The following TENM1 variants were observed in gnomAD, a reference collection of about 807,000 sequenced individuals.
TENM1 encodes teneurin-1.
TENM1 carries 35 observed loss-of-function variants against 174.8 expected under a neutral mutation model. That is an observed-to-expected ratio of 0.20 (90% confidence interval 0.15 to 0.27). The LOEUF (loss-of-function observed/expected upper bound fraction) is 0.27. TENM1 is among the 10% of genes least tolerant of loss of function. TENM1 has a pLI of 1.00. For synonymous variants in TENM1, 781 were observed against 798.7 expected (o/e 0.98, Z 0.37); for missense variants, 1,633 against 2,130.1 (o/e 0.77, Z 4.59).
intron 11 of TENM1, among the ~76,000 whole-genome samples, chrX:124,612,991 G>A (rs1347048389): frequency 9.0e-6 from 1 of 111,388 alleles, no homozygotes; most frequent in African/African-American, 3.3e-5. Flanking sequence ...GAGCTGGAAA[G>A]AAAATAAAAT....
At chrX:125,007,894 A>G in the TENM1 span, among the ~76,000 whole-genome samples, 2 of 111,934 alleles carry the variant, frequency 1.8e-5, no homozygotes, top group African/African-American at 6.5e-5. Context: ...CTAAATACAG[A>G]AAGGAAAAAC....
At chrX:124,507,168 G>A (rs187744565) in intron 18 of TENM1, among the ~76,000 whole-genome samples, 30 of 111,769 alleles carry the variant, frequency 2.7e-4, no homozygotes, top group Non-Finnish European at 4.9e-4. Flanking sequence ...AGACTAGACT[G>A]GCAGTGAGCA....
chrX:124,646,402 C>A (rs1002478361), intron 9 of TENM1, among the ~76,000 whole-genome samples: 1 of 112,504 alleles, frequency 8.9e-6, no homozygotes, highest in African/African-American at 3.2e-5. Context: ...CAAATCCCAG[C>A]TGTTAGGTAA....
chrX:124,421,061 A>C (rs1258613592), intron 24 of TENM1, among the ~76,000 whole-genome samples: 1 of 112,285 alleles, frequency 8.9e-6, no homozygotes, highest in East Asian at 2.8e-4. Context: ...CAATTTTGTG[A>C]AATCCTCAAT....
intron 3 of TENM1, among the ~76,000 whole-genome samples, chrX:124,879,329 T>C (rs1306509471): frequency 8.9e-6 from 1 of 112,146 alleles, no homozygotes; most frequent in Non-Finnish European, 1.9e-5. Flanking sequence ...TCCATCTCCA[T>C]GAGATCAACT....
intron 3 of TENM1, among the ~76,000 whole-genome samples, chrX:124,872,719 AGCT>A (rs1018779677): frequency 1.8e-5 from 2 of 112,190 alleles, no homozygotes; most frequent in African/African-American, 6.5e-5. Flanking sequence ...CTTGTTTTAC[AGCT>A]GCTAATTTTG....
intron 4 of TENM1, among the ~76,000 whole-genome samples, chrX:124,720,667 G>C (rs746016570): frequency 9.0e-6 from 1 of 111,715 alleles, no homozygotes; most frequent in Non-Finnish European, 1.9e-5. Flanking sequence ...GTTCACAAAG[G>C]GTTTTGTTTT....
intron 1 of TENM1, among the ~76,000 whole-genome samples, chrX:124,907,941 G>A (rs758123811): frequency 9.0e-6 from 1 of 111,614 alleles, no homozygotes; most frequent in East Asian, 2.8e-4. Flanking sequence ...TCTATTAGCT[G>A]TGGAAGTTGG....
chrX:125,001,174 C>A, the TENM1 span, among the ~76,000 whole-genome samples: 1 of 110,229 alleles, frequency 9.1e-6, no homozygotes, highest in Non-Finnish European at 1.9e-5. Flanking sequence ...GTCCAAGCAC[C>A]AGAAAAGTGA....
At chrX:124,887,970 G>T (rs187055140) in intron 3 of TENM1, among the ~76,000 whole-genome samples, 1 of 111,747 alleles carries the variant, frequency 8.9e-6, no homozygotes, top group East Asian at 2.8e-4. Context: ...AAAAAGCAAA[G>T]GAAAGAAATG....
At chrX:124,721,218 C>A in intron 4 of TENM1, among the ~76,000 whole-genome samples, 1 of 111,394 alleles carries the variant, frequency 9.0e-6, no homozygotes, top group African/African-American at 3.3e-5. Flanking sequence ...TCACACGGGG[C>A]CATTAAAAAT....
intron 24 of TENM1, 62 bp downstream of exon 27, chrX:124,422,210 G>A (rs2060660962): frequency 1.7e-6 from 2 of 1,150,043 alleles, no homozygotes; most frequent in African/African-American, 1.8e-5. Context: ...TGACTTTACT[G>A]GGGCACGTTT....
intron 20 of TENM1, among the ~76,000 whole-genome samples, chrX:124,489,105 A>G (rs182288112): frequency 7.1e-5 from 8 of 112,785 alleles, no homozygotes; most frequent in African/African-American, 9.6e-5. Flanking sequence ...TCAGTCTGCT[A>G]TCTAGCTACC....
the TENM1 span, among the ~76,000 whole-genome samples, chrX:125,046,219 C>A: frequency 1.8e-5 from 2 of 111,530 alleles, no homozygotes; most frequent in Non-Finnish European, 3.8e-5. Context: ...TTATTTTTAT[C>A]CATATGTATG....
chrX:124,826,398 G>C (rs931506863), intron 3 of TENM1, among the ~76,000 whole-genome samples: 2 of 103,907 alleles, frequency 1.9e-5, no homozygotes, highest in African/African-American at 7.2e-5. Flanking sequence ...AACAGAGTGA[G>C]ACCCTGTCTC....
At chrX:124,575,341 A>G (rs2049144057) in intron 11 of TENM1, among the ~76,000 whole-genome samples, 1 of 112,051 alleles carries the variant, frequency 8.9e-6, no homozygotes, top group African/African-American at 3.2e-5. Context: ...TGATGCTTCA[A>G]TGTATCTTAG....
chrX:124,996,548 ACCACAC>A, the TENM1 span, among the ~76,000 whole-genome samples: 1 of 91,458 alleles, frequency 1.1e-5, no homozygotes, highest in African/African-American at 4.6e-5. Context: ...AAAAAAAAAA[ACCACAC>A]ACACACACAC....
chrX:124,583,803 A>C (rs1465876340), intron 11 of TENM1, among the ~76,000 whole-genome samples: 2 of 107,904 alleles, frequency 1.9e-5, no homozygotes, highest in East Asian at 5.9e-4. Flanking sequence ...ATTTAGAAGA[A>C]TGTGTAACTA....
intron 5 of TENM1, among the ~76,000 whole-genome samples, chrX:124,678,447 T>C (rs1270073839): frequency 9.0e-6 from 1 of 111,563 alleles, no homozygotes; most frequent in African/African-American, 3.2e-5. Flanking sequence ...GACATTTTCA[T>C]AGTATTGTTA....
Sources: gnomAD v4.1 joint callset for allele counts (sites outside exome capture counted in the v4.1 genomes callset) on GRCh38, gnomAD v4.1.1 for gene constraint, MANE v1.5 for transcripts, NCBI Gene and HGNC (gene_info 2026-07-23, HGNC 2026-07-21) for gene names.